The following EIF4E variants were observed in gnomAD, a reference collection of about 807,000 sequenced individuals.
EIF4E encodes eukaryotic translation initiation factor 4E.
For missense variants in EIF4E, 113 were observed against 265.6 expected (o/e 0.43, Z 3.99); for synonymous variants, 71 against 88.5 (o/e 0.80, Z 1.11).
chr4:98,885,592 C>T (rs1285739086), intron 5 of EIF4E, among the ~76,000 whole-genome samples: 1 of 152,064 alleles, frequency 6.6e-6, no homozygotes, highest in Non-Finnish European at 1.5e-5. Flanking sequence ...GGCATACATA[C>T]AGGGACATGT....
chr4:98,914,225 G>A (rs1045173855), intron 1 of EIF4E, among the ~76,000 whole-genome samples: 3 of 151,400 alleles, frequency 2.0e-5, no homozygotes, highest in African/African-American at 7.3e-5. Flanking sequence ...GCGTGGTGGC[G>A]CATGCCTGTA....
chr4:98,927,440 G>A (rs1022330364), intron 1 of EIF4E, among the ~76,000 whole-genome samples: 14 of 151,894 alleles, frequency 9.2e-5, no homozygotes, highest in Admixed American at 9.2e-4. Flanking sequence ...AGGATCACTT[G>A]AGGTCAGGAG....
At chr4:98,906,956 T>C (rs189325794) in intron 1 of EIF4E, among the ~76,000 whole-genome samples, 104 of 152,224 alleles carry the variant, frequency 6.8e-4, no homozygotes, top group Admixed American at 1.8e-3. Flanking sequence ...AATTAAAAAA[T>C]AAAAGCATTT....
intron 1 of EIF4E, among the ~76,000 whole-genome samples, chr4:98,906,068 C>A (rs1178256564): frequency 6.6e-6 from 1 of 152,148 alleles, no homozygotes; most frequent in Non-Finnish European, 1.5e-5. Flanking sequence ...TTTGAACATT[C>A]AAGATTTCTC....
chr4:98,915,332 A>T (rs1725331422), intron 1 of EIF4E, among the ~76,000 whole-genome samples: 1 of 152,188 alleles, frequency 6.6e-6, no homozygotes, highest in African/African-American at 2.4e-5. Context: ...AGAAGTTCAC[A>T]AACAAGTGAA....
intron 1 of EIF4E, chr4:98,909,848 T>G (rs1725035300): frequency 2.9e-6 from 2 of 680,330 alleles, no homozygotes; most frequent in South Asian, 1.6e-5. Context: ...GGATCAGCCA[T>G]GGTCCCCCAA....
chr4:98,882,396 C>CAAAAAA (rs33922454), intron 6 of EIF4E, among the ~76,000 whole-genome samples: 34 of 85,148 alleles, frequency 4.0e-4, no homozygotes, highest in Middle Eastern at 6.3e-3. Flanking sequence ...GACTCCGTCT[C>CAAAAAA]AAAAAAAAAA....
intron 5 of EIF4E, among the ~76,000 whole-genome samples, chr4:98,885,410 TC>T (rs1490140045): frequency 1.3e-5 from 2 of 152,196 alleles, no homozygotes; most frequent in Non-Finnish European, 2.9e-5. Context: ...CTCCTCTTGT[TC>T]TTATTTTTTA....
chr4:98,925,108 T>C (rs994282712), intron 1 of EIF4E, among the ~76,000 whole-genome samples: 1 of 152,200 alleles, frequency 6.6e-6, no homozygotes, highest in Non-Finnish European at 1.5e-5. Context: ...TATTTACTCT[T>C]ATTAATAAGC....
At chr4:98,885,607 A>G (rs1723885572) in intron 5 of EIF4E, among the ~76,000 whole-genome samples, 1 of 152,054 alleles carries the variant, frequency 6.6e-6, no homozygotes, top group African/African-American at 2.4e-5. Context: ...ACATGTCACC[A>G]TACCCAGTTA....
intron 1 of EIF4E, chr4:98,903,530 G>A (rs947387678): frequency 2.2e-6 from 1 of 453,752 alleles, no homozygotes; most frequent in African/African-American, 2.0e-5. Context: ...TTTTAGTAGA[G>A]ACAAGGTCTC....
At chr4:98,888,846 C>A (rs937868894) in intron 3 of EIF4E, among the ~76,000 whole-genome samples, 1 of 152,040 alleles carries the variant, frequency 6.6e-6, no homozygotes, top group Non-Finnish European at 1.5e-5. Context: ...CTATGTTAAC[C>A]CCATCTAGGA....
chr4:98,903,360 G>T (rs1029166248), intron 1 of EIF4E: 66 of 384,962 alleles, frequency 1.7e-4, no homozygotes, highest in African/African-American at 7.9e-4. Flanking sequence ...AAGAATATGG[G>T]TTTTTTTTTT....
intron 1 of EIF4E, among the ~76,000 whole-genome samples, chr4:98,928,262 T>C (rs1029114447): frequency 6.6e-6 from 1 of 151,850 alleles, no homozygotes; most frequent in Non-Finnish European, 1.5e-5. Context: ...TACAGCGATC[T>C]GTAGGCCTCG....
chr4:98,916,616 G>C (rs1025863274), intron 1 of EIF4E, among the ~76,000 whole-genome samples: 1 of 152,082 alleles, frequency 6.6e-6, no homozygotes, highest in Non-Finnish European at 1.5e-5. Context: ...GGGAGTGAGG[G>C]TGAGAGAGCA....
At chr4:98,883,930 T>C (rs531520839) in intron 6 of EIF4E, among the ~76,000 whole-genome samples, 3 of 151,220 alleles carry the variant, frequency 2.0e-5, no homozygotes, top group African/African-American at 7.3e-5. Flanking sequence ...TTGCAGCTAA[T>C]TGGGTGGCTG....
intron 5 of EIF4E, 109 bp downstream of exon 5, chr4:98,886,970 G>T: frequency 8.7e-7 from 1 of 1,150,140 alleles, no homozygotes; most frequent in Non-Finnish European, 1.3e-6. Flanking sequence ...ATTTTCTAGT[G>T]TTGGGCATCC....
intron 1 of EIF4E, among the ~76,000 whole-genome samples, chr4:98,925,605 A>C (rs999263993): frequency 6.6e-6 from 1 of 152,210 alleles, no homozygotes; most frequent in African/African-American, 2.4e-5. Context: ...TCTTCATGTA[A>C]CTCAACTCAT....
At chr4:98,912,196 G>A (rs1291117029) in intron 1 of EIF4E, among the ~76,000 whole-genome samples, 1 of 150,810 alleles carries the variant, frequency 6.6e-6, no homozygotes, top group Non-Finnish European at 1.5e-5. Context: ...AAACTGCAGT[G>A]AGCCAAGATC....
Sources: allele counts gnomAD v4.1 joint callset (sites outside exome capture counted in the v4.1 genomes callset), GRCh38; gene constraint gnomAD v4.1.1; transcripts MANE v1.5; gene names NCBI Gene and HGNC (gene_info 2026-07-23, HGNC 2026-07-21).